NHS: variants seen among roughly 807,000 people sequenced by gnomAD.
NHS encodes the protein NHS actin remodeling regulator.
A neutral mutation model predicts 72.5 loss-of-function variants in NHS; 5 were observed. That is an observed-to-expected ratio of 0.07 (90% CI 0.04 to 0.14). NHS has a LOEUF of 0.14. Ranked by LOEUF, NHS falls within the 10% of genes least tolerant of loss-of-function variation. The probability of loss-of-function intolerance (pLI) is 1.00; values close to 1 mark genes in which losing one functional copy is unlikely to be tolerated. For missense variants in NHS, 1,072 were observed against 1,355.7 expected (o/e 0.79, Z 3.29); for synonymous variants, 464 against 547.7 (o/e 0.85, Z 2.13).
At chrX:17,729,282 C>T (rs751318991) in intron 8 of NHS, among the ~76,000 whole-genome samples, 1 of 111,709 alleles carries the variant, frequency 9.0e-6, no homozygotes, top group Non-Finnish European at 1.9e-5. Context: ...TCCCCCAAAA[C>T]TTATTGAAAT....
chrX:17,482,692 T>C (rs1284557153), intron 1 of NHS, among the ~76,000 whole-genome samples: 2 of 111,981 alleles, frequency 1.8e-5, no homozygotes, highest in East Asian at 2.8e-4. Context: ...CATCCGGTGC[T>C]GTCATGGATT....
chrX:17,605,486 C>T (rs1372776595), intron 1 of NHS, among the ~76,000 whole-genome samples: 1 of 111,449 alleles, frequency 9.0e-6, no homozygotes, highest in Non-Finnish European at 1.9e-5. Flanking sequence ...TCTTCTCTTT[C>T]TTTGGGGCTC....
At chrX:17,639,798 A>T (rs764875526) in intron 1 of NHS, among the ~76,000 whole-genome samples, 52 of 111,825 alleles carry the variant, frequency 4.7e-4, no homozygotes, top group Non-Finnish European at 8.5e-4. Flanking sequence ...AAACCATAGC[A>T]TCAGGAGAAT....
chrX:17,699,815 C>G (rs144725229), intron 3 of NHS, among the ~76,000 whole-genome samples: 9 of 111,943 alleles, frequency 8.0e-5, no homozygotes, highest in Non-Finnish European at 1.7e-4. Context: ...ATGAACTATT[C>G]TTTGACCTCA....
chrX:17,416,823 A>T lies in NHS; in HGVS notation c.565+40501A>T, dbSNP rs1002172935. 1.2e-3 allele frequency among the ~76,000 whole-genome samples: 124 copies of T among 105,822 alleles called. 1 individual carries two copies. The highest frequency in any genetic ancestry group is 4.0e-3 in the African/African-American group (113 of 28,271). The allele number at this position is 105,822 out of a possible 115,157, so 91.9% of individuals were successfully genotyped here. On this transcript the variant is annotated intron_variant, in intron 1 of 8. Transcript: ENST00000676302. ...GTGTGTGTGTGTGTGTGTGTGTGAG[A>T]GAGAGAGAGAGAGAGAGAGACAAAC...
chrX:17,683,304 G>C (rs961184159), intron 1 of NHS, among the ~76,000 whole-genome samples: 18 of 112,272 alleles, frequency 1.6e-4, no homozygotes, highest in African/African-American at 3.9e-4. Context: ...GGTTATACCT[G>C]ATGCTATGGA....
At chrX:17,460,122 A>G (rs1328079126) in intron 1 of NHS, among the ~76,000 whole-genome samples, 1 of 111,451 alleles carries the variant, frequency 9.0e-6, no homozygotes, top group African/African-American at 3.3e-5. Flanking sequence ...GAACACTGTT[A>G]TACCCACATT....
At chrX:17,596,984 G>A (rs1482311406) in intron 1 of NHS, among the ~76,000 whole-genome samples, 4 of 111,274 alleles carry the variant, frequency 3.6e-5, no homozygotes, top group African/African-American at 6.5e-5. Context: ...GAACTGTCAC[G>A]TGGCCCCACT....
intron 1 of NHS, among the ~76,000 whole-genome samples, chrX:17,483,723 G>C (rs775307065): frequency 1.8e-5 from 2 of 110,787 alleles, no homozygotes; most frequent in Admixed American, 1.9e-4. Context: ...CCAGGCCAGG[G>C]CTTTGTGATG....
intron 3 of NHS, among the ~76,000 whole-genome samples, chrX:17,709,041 C>T (rs1386855059): frequency 1.8e-5 from 2 of 110,752 alleles, no homozygotes; most frequent in Admixed American, 9.6e-5. Context: ...GAGAGAGGAG[C>T]GTTTGATGTT....
chrX:17,553,468 T>C (rs997393166), intron 1 of NHS, among the ~76,000 whole-genome samples: 2 of 112,894 alleles, frequency 1.8e-5, no homozygotes, highest in African/African-American at 6.4e-5. Flanking sequence ...CTTTCATCCC[T>C]TCATGTTGCT....
intron 1 of NHS, among the ~76,000 whole-genome samples, chrX:17,406,675 C>G (rs1268445830): frequency 8.9e-6 from 1 of 112,088 alleles, no homozygotes; most frequent in Admixed American, 9.5e-5. Flanking sequence ...TAATAAATGT[C>G]TGTGTGTGCG....
chrX:17,700,994 A>G (rs1266948982), intron 3 of NHS, among the ~76,000 whole-genome samples: 1 of 112,343 alleles, frequency 8.9e-6, no homozygotes, highest in Non-Finnish European at 1.9e-5. Context: ...TTATAATGTC[A>G]TATTTTTGCT....
At chrX:17,474,914 A>T (rs771753857) in intron 1 of NHS, among the ~76,000 whole-genome samples, 3 of 111,414 alleles carry the variant, frequency 2.7e-5, no homozygotes, top group Non-Finnish European at 5.7e-5. Context: ...AAAGCCTTTC[A>T]AATGGCATCA....
At chrX:17,718,771 AGAAG>A (rs1320825066) in intron 3 of NHS, among the ~76,000 whole-genome samples, 2 of 89,117 alleles carry the variant, frequency 2.2e-5, no homozygotes, top group East Asian at 4.2e-4. Flanking sequence ...AAGAAAGGAA[AGAAG>A]GAAGGAAGGA....
rs2064640613 is a variant in NHS at position 17,424,543 on chromosome X, C to G, written c.565+48221C>G. Among the ~76,000 whole-genome samples the G allele has an allele frequency of 4.5e-5, 5 of 111,663 alleles. No homozygotes were observed. In the South Asian group the frequency reaches 1.9e-3, roughly 42 times the overall value. ...GAGAAGCATGTCCACCGCTCTTGCC[C>G]CGGTGGCTTCTTTAGATAATCTTGC... On this transcript the variant is annotated intron_variant, in intron 1 of 8. Transcript: ENST00000676302.
intron 1 of NHS, among the ~76,000 whole-genome samples, chrX:17,569,275 CCCA>C (rs1337628902): frequency 9.0e-6 from 1 of 111,348 alleles, no homozygotes; most frequent in Non-Finnish European, 1.9e-5. Flanking sequence ...AATTTACACT[CCCA>C]CCAACAGTGT....
chrX:17,383,729 G>A (rs1291452362), intron 1 of NHS, among the ~76,000 whole-genome samples: 2 of 111,536 alleles, frequency 1.8e-5, no homozygotes, highest in African/African-American at 6.5e-5. Context: ...CTTACATTGG[G>A]GATTATAATT....
intron 1 of NHS, among the ~76,000 whole-genome samples, chrX:17,621,130 G>A (rs988020997): frequency 8.9e-6 from 1 of 112,760 alleles, no homozygotes; most frequent in African/African-American, 3.2e-5. Flanking sequence ...CAGAAGGTGT[G>A]AAAAGAAGCA....
Sources: gnomAD v4.1 joint callset for allele counts (sites outside exome capture counted in the v4.1 genomes callset) on GRCh38, gnomAD v4.1.1 for gene constraint, MANE v1.5 for transcripts, NCBI Gene and HGNC (gene_info 2026-07-23, HGNC 2026-07-21) for gene names.